Variants in SYN3 observed in about 807,000 individuals in gnomAD.
SYN3 encodes synapsin III.
A neutral mutation model predicts 65.8 loss-of-function variants in SYN3; 35 were observed. The ratio of observed to expected loss-of-function variants is 0.53; its 90% CI spans 0.41 to 0.70. The LOEUF is 0.70. SYN3 is among the 30% of genes least tolerant of loss of function. SYN3 has a pLI of 0.00. For synonymous variants in SYN3, 270 were observed against 292.9 expected, an observed-to-expected ratio of 0.92 and a Z score of 0.80; for missense variants, 680 against 749.0, an observed-to-expected ratio of 0.91 and a Z score of 1.08.
chr22:32,827,255 C>T (rs1432615375), intron 6 of SYN3, among the ~76,000 whole-genome samples: 2 of 152,208 alleles, frequency 1.3e-5, no homozygotes, highest in African/African-American at 4.8e-5. Context: ...CCCTGTCTGG[C>T]ACCAGCAGCA....
chr22:33,015,748 A>C (rs1322631461), intron 1 of SYN3, among the ~76,000 whole-genome samples: 1 of 152,172 alleles, frequency 6.6e-6, no homozygotes, highest in Non-Finnish European at 1.5e-5. Context: ...TAATCTTGTA[A>C]CTTAATAGGA....
At chr22:32,858,000 C>G in intron 6 of SYN3, 1 of 1,614,172 alleles carries the variant, frequency 6.2e-7, no homozygotes, top group Non-Finnish European at 8.5e-7. Flanking sequence ...TCCTTGTTTT[C>G]TTCTTTCCTC....
At chr22:32,785,626 G>C (rs763545022) in intron 6 of SYN3, among the ~76,000 whole-genome samples, 18 of 152,182 alleles carry the variant, frequency 1.2e-4, no homozygotes, top group Non-Finnish European at 2.4e-4. Context: ...TTTTCCCAGA[G>C]AGTGTTTTCT....
Position 32,982,997 on chromosome 22 carries a change from T to A in SYN3, c.312-2295A>T, listed in dbSNP as rs56087410. 2.4e-3 allele frequency among the ~76,000 whole-genome samples: 365 copies of A among 152,242 alleles called. 3 individuals carry two copies. Among genetic ancestry groups the A allele is most frequent in the Admixed American group, 0.01 (159 of 15,302 alleles). The stretch of plus-strand genomic sequence containing the variant: ...TGTGCTTTTGCTCAACTCTGAAAAA[T>A]AGCAGTGAAAATTGGGGTCTTTATA... On this transcript the variant is annotated intron_variant, in intron 2 of 13. Coordinates refer to ENST00000358763, the MANE Select transcript of SYN3 (RefSeq NM_003490.4).
chr22:32,618,365 G>C (rs551762404), intron 6 of SYN3, among the ~76,000 whole-genome samples: 1 of 152,304 alleles, frequency 6.6e-6, no homozygotes, highest in Admixed American at 6.5e-5. Flanking sequence ...TTTCCAAGCT[G>C]AAAGTGGATG....
chr22:32,609,927 T>A (rs114162096), intron 6 of SYN3, among the ~76,000 whole-genome samples: 28 of 152,184 alleles, frequency 1.8e-4, no homozygotes, highest in Non-Finnish European at 1.8e-4. Context: ...TTTATTGAGA[T>A]ACAATTCACA....
At chr22:32,936,947 A>G (rs1043440093) in intron 3 of SYN3, among the ~76,000 whole-genome samples, 1 of 152,240 alleles carries the variant, frequency 6.6e-6, no homozygotes, top group African/African-American at 2.4e-5. Context: ...CTTAAAACCA[A>G]GTCTTGAATG....
At chr22:32,645,554 C>T (rs902697748) in intron 6 of SYN3, among the ~76,000 whole-genome samples, 3 of 151,874 alleles carry the variant, frequency 2.0e-5, no homozygotes, top group Non-Finnish European at 4.4e-5. Flanking sequence ...TACGTGCTTT[C>T]GTGTGTGTTT....
chr22:32,619,427 A>G (rs2059565336), intron 6 of SYN3, among the ~76,000 whole-genome samples: 1 of 152,200 alleles, frequency 6.6e-6, no homozygotes, highest in African/African-American at 2.4e-5. Context: ...GGGTCAGATA[A>G]TCAACAGTGG....
At chr22:32,977,409 C>A (rs1201652162) in intron 3 of SYN3, among the ~76,000 whole-genome samples, 1 of 152,058 alleles carries the variant, frequency 6.6e-6, no homozygotes, top group Admixed American at 6.6e-5. Flanking sequence ...AGCTGGCAAC[C>A]AAGTATCTAC....
Position 32,679,084 on chromosome 22 carries a change from G to T in SYN3, c.712-82348C>A, listed in dbSNP as rs368056273. ...TTTTTTTTTTTTGAGATGGAGTCTCGATCTGTCACCCAGGCTGGAGTGCAG... is the reference window on the plus strand; with the variant it reads ...TTTTTTTTTTTTGAGATGGAGTCTCTATCTGTCACCCAGGCTGGAGTGCAG... On this transcript the variant is annotated intron_variant, in intron 6 of 13. Transcript: ENST00000358763. Among the ~76,000 whole-genome samples the T allele has an allele frequency of 3.1e-4, 35 of 112,446 alleles. 1 individual carries two copies. In the East Asian group the frequency reaches 8.1e-3, roughly 26 times the overall value. 73.8% of individuals were successfully genotyped at this position (112,446 alleles called of 152,430 possible).
chr22:32,838,964 A>G (rs978590306), intron 6 of SYN3, among the ~76,000 whole-genome samples: 2 of 151,368 alleles, frequency 1.3e-5, no homozygotes. Context: ...AAAGAGAGGA[A>G]AGCCAAGCAG....
chr22:32,738,049 A>G (rs1295964310), intron 6 of SYN3, among the ~76,000 whole-genome samples: 1 of 152,222 alleles, frequency 6.6e-6, no homozygotes, highest in Non-Finnish European at 1.5e-5. Flanking sequence ...ATTATCAATT[A>G]TCCTGGTAGT....
intron 1 of SYN3, among the ~76,000 whole-genome samples, chr22:33,010,790 T>C (rs2053330584): frequency 6.6e-6 from 1 of 152,142 alleles, no homozygotes; most frequent in South Asian, 2.1e-4. Context: ...TACTCAGAAA[T>C]TTTTTTGTGA....
intron 1 of SYN3, chr22:33,014,351 G>C (rs2053419354): frequency 6.6e-6 from 1 of 152,118 alleles, no homozygotes; most frequent in Non-Finnish European, 1.5e-5. Flanking sequence ...AATGAACCTG[G>C]GAGTGCAGAT....
intron 2 of SYN3, among the ~76,000 whole-genome samples, chr22:32,990,410 AT>A (rs2052676669): frequency 3.4e-5 from 1 of 29,530 alleles, no homozygotes; most frequent in African/African-American, 3.7e-4. Context: ...CCATCCAGCC[AT>A]CCATCCATCC....
intron 6 of SYN3, among the ~76,000 whole-genome samples, chr22:32,631,629 C>T (rs867760003): frequency 5.3e-5 from 8 of 152,170 alleles, no homozygotes; most frequent in African/African-American, 1.9e-4. Flanking sequence ...CCTAAGGTTG[C>T]AGTAGTATAA....
intron 4 of SYN3, among the ~76,000 whole-genome samples, chr22:32,913,351 G>A (rs2050104065): frequency 1.3e-5 from 2 of 151,782 alleles, no homozygotes; most frequent in Non-Finnish European, 2.9e-5. Context: ...GTAGAGATGG[G>A]GTTTCACCAT....
intron 1 of SYN3, among the ~76,000 whole-genome samples, chr22:33,029,298 C>T (rs2145891035): frequency 6.6e-6 from 1 of 152,092 alleles, no homozygotes; most frequent in Admixed American, 6.5e-5. Flanking sequence ...CCTTAGCCTA[C>T]CAAGTAGTCA....
Sources: allele counts gnomAD v4.1 joint callset (sites outside exome capture counted in the v4.1 genomes callset), GRCh38; gene constraint gnomAD v4.1.1; transcripts MANE v1.5; gene names NCBI Gene and HGNC (gene_info 2026-07-23, HGNC 2026-07-21).